FNBP1L: variants seen among roughly 807,000 people sequenced by gnomAD.
FNBP1L encodes formin-binding protein 1-like.
In FNBP1L, 36 loss-of-function variants were observed where a neutral mutation model predicts 91.2. That is an observed-to-expected ratio of 0.39 (90% CI 0.30 to 0.52). FNBP1L has a LOEUF of 0.52. Among genes scored for constraint, FNBP1L ranks in the 20% least tolerant of loss-of-function variants. FNBP1L has a pLI of 0.66. For synonymous variants in FNBP1L, 242 were observed against 237.0 expected (o/e 1.02, Z -0.19); for missense variants, 571 against 732.1 (o/e 0.78, Z 2.54).
At chr1:93,481,905 A>G (rs1328510583) in intron 1 of FNBP1L, among the ~76,000 whole-genome samples, 1 of 152,202 alleles carries the variant, frequency 6.6e-6, no homozygotes, top group Non-Finnish European at 1.5e-5. Flanking sequence ...CACACCTGTA[A>G]TCCCAGCACT....
At chr1:93,499,187 G>A (rs546858670) in intron 1 of FNBP1L, among the ~76,000 whole-genome samples, 2 of 152,238 alleles carry the variant, frequency 1.3e-5, no homozygotes, top group South Asian at 4.2e-4. Flanking sequence ...CAGGATAGGG[G>A]GGATTTGGGG....
chr1:93,507,903 C>T (rs528525162), intron 2 of FNBP1L, among the ~76,000 whole-genome samples: 1 of 151,372 alleles, frequency 6.6e-6, no homozygotes, highest in East Asian at 2.0e-4. Flanking sequence ...CCTGCCTCGG[C>T]CTCCCAAAGT....
chr1:93,552,655 C>G lies in FNBP1L; in HGVS notation c.*239C>G, dbSNP rs540725134. The G allele has an allele frequency of 2.4e-6, 1 of 412,350 alleles. No homozygotes were observed. Among genetic ancestry groups the G allele is most frequent in the South Asian group, 9.7e-5 (1 of 10,322 alleles). The allele number at this position is 412,350 out of a possible 1,614,324, so 25.5% of individuals were successfully genotyped here. A position where few individuals can be genotyped will look rare whatever the true frequency, so the allele number is the denominator to read the frequency against. On this transcript the variant is annotated 3_prime_UTR_variant, in exon 17 of 17. Coordinates refer to ENST00000271234, the MANE Select transcript of FNBP1L (RefSeq NM_001164473.3). ...TTATTCCCACAAAAGAAAAAGCCAA[C>G]AATAGTGTACCATTTTTCTATTTAT...
chr1:93,515,170 G>A (rs1049231426), intron 2 of FNBP1L, among the ~76,000 whole-genome samples: 179 of 152,216 alleles, frequency 1.2e-3, no homozygotes, highest in Middle Eastern at 3.4e-3. Context: ...AAAAATGCTC[G>A]CCATCACTGG....
chr1:93,490,156 T>C (rs1670046484), intron 1 of FNBP1L, among the ~76,000 whole-genome samples: 1 of 80,560 alleles, frequency 1.2e-5, no homozygotes, highest in Non-Finnish European at 2.6e-5. Flanking sequence ...TCTAAAGTGA[T>C]ACATAAAATA....
intron 1 of FNBP1L, among the ~76,000 whole-genome samples, chr1:93,479,903 C>T (rs541518971): frequency 6.6e-6 from 1 of 151,836 alleles, no homozygotes; most frequent in African/African-American, 2.4e-5. Flanking sequence ...CCTCAGCTTA[C>T]GAAGATAACA....
chr1:93,515,809 A>C (rs1671080912), intron 2 of FNBP1L, among the ~76,000 whole-genome samples: 1 of 151,896 alleles, frequency 6.6e-6, no homozygotes, highest in Non-Finnish European at 1.5e-5. Flanking sequence ...GATATACGTA[A>C]TGCTAGATGA....
At position 93,546,384 on chromosome 1, in the gene FNBP1L, G is replaced by T. The variant is rs1043412405; in HGVS notation, c.1275-458G>T. ...AGGAATTGGCAAATGACTGACTTTG[G>T]GTGGGGGCAAGTTAAAGCTGCCATT... On this transcript the variant is annotated intron_variant, in intron 12 of 16. Coordinates refer to ENST00000271234, the MANE Select transcript of FNBP1L (RefSeq NM_001164473.3). Among the ~76,000 whole-genome samples, 5 of 152,152 alleles carry T rather than the reference G, an allele frequency of 3.3e-5. No individual in the cohort carries two copies. The East Asian group carries it at 9.7e-4, about 29-fold the overall frequency.
intron 1 of FNBP1L, among the ~76,000 whole-genome samples, chr1:93,451,577 C>G (rs1215129471): frequency 6.6e-6 from 1 of 152,096 alleles, no homozygotes; most frequent in Non-Finnish European, 1.5e-5. Flanking sequence ...GCCTTAATTT[C>G]TTGGTCGATA....
Position 93,536,626 on chromosome 1 carries a change from G to T in FNBP1L, c.1149+136G>T, listed in dbSNP as rs1570862101. On this transcript the variant is annotated intron_variant, in intron 10 of 16. Coordinates refer to ENST00000271234, the MANE Select transcript of FNBP1L (RefSeq NM_001164473.3). Reference sequence around the variant, plus strand: ...AAACACCACAGAATTAAGAATAGCTGCCCTCAAGTTAAAAACAACTCCTCT... The same window carrying T: ...AAACACCACAGAATTAAGAATAGCTTCCCTCAAGTTAAAAACAACTCCTCT... The T allele has an allele frequency of 9.3e-6, 7 of 751,556 alleles. No homozygotes were observed. In the East Asian group the frequency reaches 2.2e-4, roughly 23 times the overall value. 46.6% of individuals were successfully genotyped at this position (751,556 alleles called of 1,614,324 possible). A position where few individuals can be genotyped will look rare whatever the true frequency, so the allele number is the denominator to read the frequency against.
intron 1 of FNBP1L, among the ~76,000 whole-genome samples, chr1:93,472,096 C>T (rs1390603673): frequency 2.6e-5 from 4 of 152,188 alleles, no homozygotes; most frequent in Non-Finnish European, 5.9e-5. Flanking sequence ...TCTCTTGAAT[C>T]AGATCTCTGG....
At chr1:93,482,845 C>T (rs1447491866) in intron 1 of FNBP1L, among the ~76,000 whole-genome samples, 1 of 151,926 alleles carries the variant, frequency 6.6e-6, no homozygotes, top group Non-Finnish European at 1.5e-5. Context: ...CGGTGAAACC[C>T]CGTCTCTACT....
chr1:93,449,885 T>A (rs1668428469), intron 1 of FNBP1L, among the ~76,000 whole-genome samples: 2 of 152,174 alleles, frequency 1.3e-5, no homozygotes, highest in Admixed American at 6.5e-5. Flanking sequence ...TATAGTTTTA[T>A]TTTAAATTTT....
intron 1 of FNBP1L, among the ~76,000 whole-genome samples, chr1:93,459,978 T>TGTGTGTGTGTG (rs1557774003): frequency 8.8e-5 from 11 of 125,632 alleles, no homozygotes; most frequent in South Asian, 3.5e-4. Flanking sequence ...TGTGTGTGTG[T>TGTGTGTGTGTG]TTTTGGGATA....
At chr1:93,505,691 ATT>A (rs1163309933) in intron 2 of FNBP1L, among the ~76,000 whole-genome samples, 3 of 152,216 alleles carry the variant, frequency 2.0e-5, no homozygotes, top group African/African-American at 7.2e-5. Context: ...CTTTAAATAA[ATT>A]TTGCTTCTAA....
At chr1:93,485,163 A>T (rs1669856144) in intron 1 of FNBP1L, among the ~76,000 whole-genome samples, 1 of 151,660 alleles carries the variant, frequency 6.6e-6, no homozygotes, top group South Asian at 2.1e-4. Context: ...AAAAAAAAAA[A>T]AAAAAGGAAA....
Position 93,529,660 on chromosome 1 carries a change from GA to G in FNBP1L, c.416del (p.Lys139SerfsTer37). ...TTTAATTTTTTTAACAGAGTAAAAA[GA>G]AGTTTGAAAGAGAATGTAGAGAGGC... ...CWKQMDNSKK[K>X]FERECREAEK... is the part of the protein sequence containing the mutation. On this transcript the variant is annotated frameshift_variant, in exon 6 of 17. Transcript: ENST00000271234. LOFTEE classifies it high-confidence loss of function. The G allele has an allele frequency of 6.7e-7, 1 of 1,485,852 alleles. No homozygotes were observed. The highest frequency in any genetic ancestry group is 8.9e-7 in the Non-Finnish European group (1 of 1,122,030). The allele number at this position is 1,485,852 out of a possible 1,614,324, so 92.0% of individuals were successfully genotyped here.
At chr1:93,496,575 A>AT (rs1557792104) in intron 1 of FNBP1L, among the ~76,000 whole-genome samples, 5 of 151,530 alleles carry the variant, frequency 3.3e-5, no homozygotes, top group South Asian at 2.1e-4. Flanking sequence ...TAATTTTTAA[A>AT]TTTTTTTTGT....
Position 93,552,517 on chromosome 1 carries a change from A to G in FNBP1L, c.*101A>G. The stretch of plus-strand genomic sequence containing the variant: ...TGTCAGGCTCAAAGAGAGTGAGAGA[A>G]GCAAGTTGCATGAGTGCATGCAGAC... On this transcript the variant is annotated 3_prime_UTR_variant, in exon 17 of 17. Transcript: ENST00000271234. 7.4e-7 allele frequency: 1 copy of G among 1,348,970 alleles called. No homozygotes were observed. Among genetic ancestry groups the G allele is most frequent in the Non-Finnish European group, 1.0e-6 (1 of 980,194 alleles). The allele number at this position is 1,348,970 out of a possible 1,614,324, so 83.6% of individuals were successfully genotyped here.
Sources: allele counts gnomAD v4.1 joint callset (sites outside exome capture counted in the v4.1 genomes callset), GRCh38; gene constraint gnomAD v4.1.1; transcripts MANE v1.5; gene names NCBI Gene and HGNC (gene_info 2026-07-23, HGNC 2026-07-21).